CHRNA3: variants seen among roughly 807,000 people sequenced by gnomAD.
CHRNA3 encodes the protein cholinergic receptor nicotinic alpha 3 subunit.
CHRNA3 carries 34 observed loss-of-function variants against 41.9 expected under a neutral mutation model. The ratio of observed to expected loss-of-function variants is 0.81; its 90% confidence interval spans 0.62 to 1.08. The LOEUF is 1.08. Ranked by LOEUF, CHRNA3 falls within the 50% of genes least tolerant of loss-of-function variation. The pLI, the probability that CHRNA3 is intolerant of heterozygous loss-of-function variation, is 0.00. For missense variants in CHRNA3, 542 were observed against 638.3 expected (o/e 0.85, Z 1.63); for synonymous variants, 281 against 265.2 (o/e 1.06, Z -0.58).
chr15:78,602,733 A>AG (rs1363492396), intron 4 of CHRNA3, among the ~76,000 whole-genome samples: 4 of 152,128 alleles, frequency 2.6e-5, no homozygotes, highest in Non-Finnish European at 5.9e-5. Context: ...TGGATGTGGA[A>AG]GGGGCTGCAC....
chr15:78,604,818 G>A (rs2053258083), intron 4 of CHRNA3, among the ~76,000 whole-genome samples: 1 of 152,120 alleles, frequency 6.6e-6, no homozygotes, highest in African/African-American at 2.4e-5. Context: ...TTTGAGACCA[G>A]CCTGGTCAAC....
intron 5 of CHRNA3, among the ~76,000 whole-genome samples, chr15:78,598,097 A>G (rs559944214): frequency 8.5e-4 from 129 of 152,298 alleles, no homozygotes; most frequent in Middle Eastern, 3.4e-3. Flanking sequence ...GTGGAAAAGC[A>G]GAGACTTGGA....
chr15:78,601,739 G>A lies in CHRNA3; in HGVS notation c.903C>T (p.Ile301=). ...ACAGGAGGTACTCTCCAATCAGGGG[G>A]ATGACCAGCGAGGTGGAAGGGATGG... is the stretch of plus-strand genomic sequence containing the variant. ...TETIPSTSLV[I]PLIGEYLLFT... Residue 301 remains isoleucine (I), a synonymous_variant, in exon 5 of 6, where the codon ATC becomes ATT. Coordinates refer to ENST00000326828, the MANE Select transcript of CHRNA3 (RefSeq NM_000743.5). The A allele has an allele frequency of 3.7e-6, 6 of 1,614,162 alleles. No individual in the cohort carries two copies. The highest frequency in any genetic ancestry group is 5.1e-6 in the Non-Finnish European group (6 of 1,180,034).
rs1461053888 is a variant in CHRNA3 at position 78,620,844 on chromosome 15, G to A, written c.-50C>T. ...ACCCGGACGGTCGGGAGCGGGCGCG[G>A]CGGTCGCAGAGACGGCCTCTCCCCG... On this transcript the variant is annotated 5_prime_UTR_variant, in exon 1 of 6. Transcript: ENST00000326828. The A allele has an allele frequency of 1.5e-6, 2 of 1,329,644 alleles. No homozygotes were observed. Among genetic ancestry groups the A allele is most frequent in the Non-Finnish European group, 9.5e-7 (1 of 1,049,278 alleles). The allele number at this position is 1,329,644 out of a possible 1,614,324, so 82.4% of individuals were successfully genotyped here. A position where few individuals can be genotyped will look rare whatever the true frequency, so the allele number is the denominator to read the frequency against.
chr15:78,595,533 A>T lies in CHRNA3; in HGVS notation c.*1071T>A, dbSNP rs1327326617. 5.5e-6 allele frequency: 2 copies of T among 362,356 alleles called. No homozygotes were observed. The highest frequency in any genetic ancestry group is 2.2e-5 in the African/African-American group (1 of 45,200). The allele number at this position is 362,356 out of a possible 1,614,324, so 22.4% of individuals were successfully genotyped here. On this transcript the variant is annotated 3_prime_UTR_variant, in exon 6 of 6. Coordinates refer to ENST00000326828, the MANE Select transcript of CHRNA3 (RefSeq NM_000743.5). ...CATTCTTGGTTATCATAACTGGTGA[A>T]GAAGCAAGGTATGTCATTGGCATCT...
At chr15:78,618,581 C>A (rs1435926380) in intron 3 of CHRNA3, 36 bp downstream of exon 3, 1 of 1,613,368 alleles carries the variant, frequency 6.2e-7, no homozygotes, top group Non-Finnish European at 8.5e-7. Context: ...ACAGTCACCA[C>A]CAGGGGGCAG....
downstream of CHRNA3, chr15:78,593,224 C>A (rs770782949): frequency 1.9e-6 from 3 of 1,612,002 alleles, no homozygotes; most frequent in Admixed American, 1.7e-5. Context: ...TATATTAATA[C>A]CAGTTCATAT....
At position 78,596,531 on chromosome 15, in the gene CHRNA3, C is replaced by T. The variant is rs200936802; in HGVS notation, c.*73G>A. Reference sequence around the variant, plus strand: ...GCTGGTAGCTTGATAACAGAAAGTACGTTCTTACTAGGAAGCAGCCTCCTC... The same window carrying T: ...GCTGGTAGCTTGATAACAGAAAGTATGTTCTTACTAGGAAGCAGCCTCCTC... On this transcript the variant is annotated 3_prime_UTR_variant, in exon 6 of 6. Coordinates refer to ENST00000326828, the MANE Select transcript of CHRNA3 (RefSeq NM_000743.5). The T allele has an allele frequency of 2.6e-5, 35 of 1,360,348 alleles. No individual in the cohort carries two copies. Among genetic ancestry groups the T allele is most frequent in the Admixed American group, 1.1e-4 (4 of 34,868 alleles). The allele number at this position is 1,360,348 out of a possible 1,614,324, so 84.3% of individuals were successfully genotyped here. A position where few individuals can be genotyped will look rare whatever the true frequency, so the allele number is the denominator to read the frequency against.
chr15:78,595,518 TATC>T lies in CHRNA3; in HGVS notation c.*1083_*1085del, dbSNP rs1311943039. On this transcript the variant is annotated 3_prime_UTR_variant, in exon 6 of 6. Coordinates refer to ENST00000326828, the MANE Select transcript of CHRNA3 (RefSeq NM_000743.5). ...ATTTAACAATGGAGACATTCTTGGTTATCATAACTGGTGAAGAAGCAAGGTATG... is the reference window on the plus strand; with the variant it reads ...ATTTAACAATGGAGACATTCTTGGTTATAACTGGTGAAGAAGCAAGGTATG... 6.0e-6 allele frequency: 3 copies of T among 500,228 alleles called. No individual in the cohort carries two copies. Among genetic ancestry groups the T allele is most frequent in the Non-Finnish European group, 7.7e-6 (3 of 387,136 alleles). The allele number at this position is 500,228 out of a possible 1,614,324, so 31.0% of individuals were successfully genotyped here. A position where few individuals can be genotyped will look rare whatever the true frequency, so the allele number is the denominator to read the frequency against.
intron 1 of CHRNA3, among the ~76,000 whole-genome samples, 161 bp downstream of exon 1, chr15:78,620,552 T>C (rs755324131): frequency 3.0e-4 from 45 of 152,240 alleles, no homozygotes; most frequent in Non-Finnish European, 4.4e-4. Context: ...CCCACCCAAG[T>C]CGCCGCCGGG....
chr15:78,593,067 T>C (rs1053394384), downstream of CHRNA3: 4 of 1,595,352 alleles, frequency 2.5e-6, no homozygotes, highest in South Asian at 4.6e-5. Flanking sequence ...AATTATTTAA[T>C]GCATTTTTAT....
intron 3 of CHRNA3, 130 bp from the exon 4 acceptor site, chr15:78,617,263 A>T (rs1167105808): frequency 9.3e-6 from 6 of 642,522 alleles, no homozygotes; most frequent in Non-Finnish European, 1.4e-5. Flanking sequence ...CCATGCCATG[A>T]TCACATAGTC....
intron 1 of CHRNA3, among the ~76,000 whole-genome samples, chr15:78,620,483 T>C (rs1293538460): frequency 6.6e-6 from 1 of 151,348 alleles, no homozygotes; most frequent in African/African-American, 2.4e-5. Context: ...GCCCGCTCAG[T>C]GACTCCCAGG....
intron 4 of CHRNA3, among the ~76,000 whole-genome samples, chr15:78,613,676 A>T (rs531089917): frequency 4.7e-4 from 71 of 151,672 alleles, no homozygotes; most frequent in Non-Finnish European, 7.1e-4. Context: ...CATATGTAAC[A>T]AACCTGCACA....
intron 4 of CHRNA3, among the ~76,000 whole-genome samples, chr15:78,610,133 C>T (rs2053359878): frequency 6.6e-6 from 1 of 152,180 alleles, no homozygotes; most frequent in African/African-American, 2.4e-5. Context: ...TAATGGGAGA[C>T]TTCAACACCC....
At chr15:78,608,114 C>T (rs1325661048) in intron 4 of CHRNA3, among the ~76,000 whole-genome samples, 1 of 152,232 alleles carries the variant, frequency 6.6e-6, no homozygotes, top group African/African-American at 2.4e-5. Flanking sequence ...AGGAGGCCTG[C>T]CTGCCTCTAT....
At chr15:78,617,925 C>A (rs28669908) in intron 3 of CHRNA3, among the ~76,000 whole-genome samples, 27,400 of 152,070 alleles carry the variant, frequency 0.18, 2,764 homozygotes, top group South Asian at 0.36. Context: ...ACGCTACCAA[C>A]AACAGCAGCA....
chr15:78,599,498 C>T (rs919780669), intron 5 of CHRNA3, among the ~76,000 whole-genome samples: 2 of 151,534 alleles, frequency 1.3e-5, no homozygotes, highest in African/African-American at 4.8e-5. Context: ...CTTTGTTCCC[C>T]TGCCACTTTG....
At chr15:78,614,987 G>A (rs966919624) in intron 4 of CHRNA3, among the ~76,000 whole-genome samples, 16 of 152,110 alleles carry the variant, frequency 1.1e-4, no homozygotes, top group Admixed American at 1.0e-3. Context: ...CAAAACTGGC[G>A]GGAAGATGCA....
Sources: allele counts gnomAD v4.1 joint callset (sites outside exome capture counted in the v4.1 genomes callset), GRCh38; gene constraint gnomAD v4.1.1; transcripts MANE v1.5; gene names NCBI Gene and HGNC (gene_info 2026-07-23, HGNC 2026-07-21).